The following ELMOD3 variants were observed in gnomAD, a reference collection of about 807,000 sequenced individuals.
ELMOD3 encodes ELMO domain containing 3, also known as ELMO domain-containing protein 3.
Under a neutral mutation model 47.4 loss-of-function variants are expected in ELMOD3, and 36 were observed. The observed-to-expected ratio is 0.76, with a 90% CI of 0.58 to 1.00. The LOEUF (loss-of-function observed/expected upper bound fraction) is 1.00. Ranked by LOEUF, ELMOD3 falls within the 50% of genes least tolerant of loss-of-function variation. ELMOD3 has a pLI of 0.00. For missense variants in ELMOD3, 404 were observed against 463.8 expected, an observed-to-expected ratio of 0.87 and a Z score of 1.18; for synonymous variants, 149 against 183.5, an observed-to-expected ratio of 0.81 and a Z score of 1.52.
Position 85,390,895 on chromosome 2 carries a change from A to G in ELMOD3, c.1079A>G (p.Lys360Arg), listed in dbSNP as rs759843025. Residue 360 changes from lysine (K) to arginine (R), a missense_variant, in exon 14 of 14, where the codon AAG (lysine) becomes AGG (arginine). Lys to Arg is a conservative substitution (Grantham distance 26). Transcript: ENST00000409013. ...KCYGPEAPPF[K>R]DLTFTGESDL... ...TATGGGCCAGAAGCCCCTCCCTTCA[A>G]GGATCTCACCTTCACAGGTGAGAGT... 7.1e-6 allele frequency: 11 copies of G among 1,551,690 alleles called. No individual in the cohort carries two copies. Among genetic ancestry groups the G allele is most frequent in the Middle Eastern group, 1.7e-4 (1 of 5,990 alleles).
Position 85,380,487 on chromosome 2 carries a change from A to G in ELMOD3, c.738+3013A>G, listed in dbSNP as rs570954458. Among the ~76,000 whole-genome samples the G allele has an allele frequency of 4.6e-5, 7 of 152,324 alleles. No individual in the cohort carries two copies. In the South Asian group the frequency reaches 1.0e-3, roughly 23 times the overall value. The stretch of plus-strand genomic sequence containing the variant: ...ATCTCCAAAGTTATCAGAAACCTGC[A>G]TTCAAGAGCCCCTGTTAGAGTTTTA... On this transcript the variant is annotated intron_variant, in intron 11 of 13. Coordinates refer to ENST00000409013, the MANE Select transcript of ELMOD3 (RefSeq NM_001135022.2).
At chr2:85,355,738 C>CA (rs1386428372) in intron 3 of ELMOD3, 140 bp downstream of exon 3, 1 of 152,250 alleles carries the variant, frequency 6.6e-6, no homozygotes, top group Admixed American at 6.6e-5. Flanking sequence ...CATAGGCTGT[C>CA]ATGGAGGCCA....
chr2:85,362,201 G>C lies in ELMOD3; in HGVS notation c.70G>C (p.Ala24Pro). ...LRDGQGERLS[A>P]GYSPSYDKDK... ...TGTTTTACAGGGTGAAAGATTGTCT[G>C]CTGGATATTCTCCATCATATGACAA... Residue 24 changes from alanine to proline, a missense_variant, in exon 5 of 14, where the codon GCT becomes CCT. Physicochemically the swap from Ala to Pro is conservative, Grantham distance 27. Coordinates refer to ENST00000409013, the MANE Select transcript of ELMOD3 (RefSeq NM_001135022.2). 6.2e-7 allele frequency: 1 copy of C among 1,600,428 alleles called. No individual in the cohort carries two copies. Among genetic ancestry groups the C allele is most frequent in the Non-Finnish European group, 8.6e-7 (1 of 1,167,522 alleles).
chr2:85,359,368 T>C (rs1683779437), intron 4 of ELMOD3, among the ~76,000 whole-genome samples: 1 of 151,424 alleles, frequency 6.6e-6, no homozygotes, highest in Admixed American at 6.6e-5. Flanking sequence ...TGATCTTTGA[T>C]AATCTGACTA....
chr2:85,390,116 T>C, intron 12 of ELMOD3, 22 bp from the exon 13 acceptor site: 1 of 1,605,336 alleles, frequency 6.2e-7, no homozygotes, highest in South Asian at 1.1e-5. Context: ...GCTGAGCAGG[T>C]CACCTTGCCT....
intron 10 of ELMOD3, among the ~76,000 whole-genome samples, chr2:85,374,893 G>A (rs1301367823): frequency 1.3e-5 from 2 of 152,024 alleles, no homozygotes; most frequent in African/African-American, 4.8e-5. Flanking sequence ...GGTGGACTAC[G>A]AGGTCAGGAG....
At chr2:85,383,172 A>G (rs1685705009) in intron 11 of ELMOD3, among the ~76,000 whole-genome samples, 1 of 151,204 alleles carries the variant, frequency 6.6e-6, no homozygotes, top group South Asian at 2.1e-4. Flanking sequence ...TCTGTCACCC[A>G]GGCTGGAGTG....
At chr2:85,355,431 A>C (rs1421714613) in intron 2 of ELMOD3, 124 bp from the exon 3 acceptor site, 1 of 152,212 alleles carries the variant, frequency 6.6e-6, no homozygotes, top group African/African-American at 2.4e-5. Context: ...TGCATAATGA[A>C]TACTTGATTG....
intron 10 of ELMOD3, among the ~76,000 whole-genome samples, chr2:85,373,412 T>A (rs1308434327): frequency 6.6e-6 from 1 of 151,358 alleles, no homozygotes; most frequent in African/African-American, 2.4e-5. Context: ...ACCAGTAATG[T>A]TAAGATTTTT....
At chr2:85,384,504 G>C (rs1455732069) in intron 11 of ELMOD3, among the ~76,000 whole-genome samples, 1 of 152,202 alleles carries the variant, frequency 6.6e-6, no homozygotes, top group Admixed American at 6.5e-5. Context: ...AGGTGCTTCA[G>C]TAGCTCCTCT....
At chr2:85,362,100 T>TAAA (rs368398168) in intron 4 of ELMOD3, 86 bp from the exon 5 acceptor site, 8 of 768,752 alleles carry the variant, frequency 1.0e-5, no homozygotes, top group South Asian at 3.4e-5. Flanking sequence ...ACTTAAAAGT[T>TAAA]AAAAAAAAAA....
intron 11 of ELMOD3, among the ~76,000 whole-genome samples, chr2:85,379,264 C>T (rs746572008): frequency 2.6e-5 from 4 of 152,190 alleles, no homozygotes; most frequent in African/African-American, 4.8e-5. Context: ...GGCTGGAGTG[C>T]AGTGGCGCGA....
At chr2:85,367,737 C>G (rs774723981) in intron 6 of ELMOD3, 9 of 151,996 alleles carry the variant, frequency 5.9e-5, no homozygotes, top group Non-Finnish European at 1.3e-4. Context: ...CATTTAATAC[C>G]CTGATAAATC....
intron 5 of ELMOD3, 111 bp from the exon 6 acceptor site, chr2:85,362,986 G>T: frequency 1.5e-6 from 1 of 673,894 alleles, no homozygotes; most frequent in Non-Finnish European, 2.7e-6. Flanking sequence ...GGCACACTAG[G>T]TCCTTTTGGC....
intron 11 of ELMOD3, among the ~76,000 whole-genome samples, chr2:85,384,674 C>G (rs1685807668): frequency 6.6e-6 from 1 of 152,188 alleles, no homozygotes; most frequent in African/African-American, 2.4e-5. Context: ...CAACCTCTAC[C>G]TCCCAGGCTC....
rs1027740777 is a variant in ELMOD3, at chr2:85,389,844, C to T, written c.815+17C>T. 6.2e-7 allele frequency: 1 copy of T among 1,609,054 alleles called. No individual in the cohort carries two copies. Among genetic ancestry groups the T allele is most frequent in the African/African-American group, 1.3e-5 (1 of 74,804 alleles). On this transcript the variant is annotated intron_variant, in intron 12 of 13. Coordinates refer to ENST00000409013, the MANE Select transcript of ELMOD3 (RefSeq NM_001135022.2). The stretch of plus-strand genomic sequence containing the variant: ...TCTCTCCAGGTGAGTCCCCAAACAC[C>T]AGCTGGTTAGAGTGACCCAGCAAAG...
At chr2:85,386,464 A>G (rs1276682370) in intron 11 of ELMOD3, among the ~76,000 whole-genome samples, 1 of 147,322 alleles carries the variant, frequency 6.8e-6, no homozygotes, top group Admixed American at 6.9e-5. Context: ...AACTCACTGC[A>G]ACCTCTGCCT....
chr2:85,365,856 A>G (rs145210845), intron 6 of ELMOD3, among the ~76,000 whole-genome samples: 51 of 152,322 alleles, frequency 3.3e-4, no homozygotes, highest in African/African-American at 1.1e-3. Context: ...AGGCTCTGAC[A>G]GGTGAAGAAT....
chr2:85,371,016 G>C (rs1684748761), intron 8 of ELMOD3, 70 bp from the exon 9 acceptor site: 5 of 1,562,078 alleles, frequency 3.2e-6, no homozygotes, highest in Non-Finnish European at 4.4e-6. Context: ...CCTCTGGTCT[G>C]AGCCTGATGG....
Sources: allele counts gnomAD v4.1 joint callset (sites outside exome capture counted in the v4.1 genomes callset), GRCh38; gene constraint gnomAD v4.1.1; transcripts MANE v1.5; gene names NCBI Gene and HGNC (gene_info 2026-07-23, HGNC 2026-07-21).